Variants in UGT1A9 observed in about 807,000 individuals in gnomAD.
UGT1A9 encodes the protein UDP-glucuronosyltransferase 1A9.
A neutral mutation model predicts 45.0 loss-of-function variants in UGT1A9; 35 were observed. That is an observed-to-expected ratio of 0.78 (90% CI 0.59 to 1.03). The LOEUF (loss-of-function observed/expected upper bound fraction) is 1.03, where lower values mean the gene tolerates loss of function less well. Ranked by LOEUF, UGT1A9 falls within the 50% of genes least tolerant of loss-of-function variation. UGT1A9 has a pLI of 0.00. For missense variants in UGT1A9, 687 were observed against 666.6 expected (o/e 1.03, Z -0.34); for synonymous variants, 278 against 250.6 (o/e 1.11, Z -1.03).
At chr2:233,713,137 G>T (rs369417360) in intron 1 of UGT1A9, 1 of 1,614,192 alleles carries the variant, frequency 6.2e-7, no homozygotes, top group African/African-American at 1.3e-5. Flanking sequence ...GAGGCCTTGC[G>T]GGACCTCCAT....
At chr2:233,729,544 C>T (rs2077877182) in intron 1 of UGT1A9, 24 of 1,614,178 alleles carry the variant, frequency 1.5e-5, no homozygotes, top group Non-Finnish European at 1.9e-5. Context: ...CCTGATCAGG[C>T]ACCTGAATGC....
At chr2:233,677,178 A>T (rs896223714) in intron 1 of UGT1A9, among the ~76,000 whole-genome samples, 2 of 152,202 alleles carry the variant, frequency 1.3e-5, no homozygotes, top group African/African-American at 2.4e-5. Context: ...ATTCATTAAC[A>T]TATCTTTTTA....
Position 233,733,786 on chromosome 2 carries a change from C to A in UGT1A9, c.856-33248C>A, listed in dbSNP as rs149311802. Among the ~76,000 whole-genome samples the A allele has an allele frequency of 6.6e-4, 100 of 152,236 alleles. 1 individual carries two copies. The highest frequency in any genetic ancestry group is 1.9e-3 in the African/African-American group (79 of 41,542). On this transcript the variant is annotated intron_variant, in intron 1 of 4. Transcript: ENST00000354728. ...ATTTTCTTTTTTTGTTGTGTCCCTG[C>A]CAACCTTTGGTATCAGGATGATGCT...
intron 1 of UGT1A9, among the ~76,000 whole-genome samples, chr2:233,694,259 C>G (rs1291026484): frequency 6.6e-6 from 1 of 151,754 alleles, no homozygotes; most frequent in Non-Finnish European, 1.5e-5. Context: ...CAGGGACCAG[C>G]GAACTACAGC....
At chr2:233,728,608 G>C (rs535590480) in intron 1 of UGT1A9, among the ~76,000 whole-genome samples, 2 of 152,172 alleles carry the variant, frequency 1.3e-5, no homozygotes, top group South Asian at 2.1e-4. Context: ...CAGCCTCCAC[G>C]CTGTTCAGAG....
Position 233,704,355 on chromosome 2 carries a change from G to A in UGT1A9, c.855+31566G>A, listed in dbSNP as rs188640980. Reference sequence around the variant, plus strand: ...CTATTTAAAAAGTTGTGTTCTGAGCGGTTGTTCTAGGGCTTAGCACATCGA... The same window carrying A: ...CTATTTAAAAAGTTGTGTTCTGAGCAGTTGTTCTAGGGCTTAGCACATCGA... On this transcript the variant is annotated intron_variant, in intron 1 of 4. Coordinates refer to ENST00000354728, the MANE Select transcript of UGT1A9 (RefSeq NM_021027.3). Among the ~76,000 whole-genome samples, 17 of 150,272 alleles carry A rather than the reference G, an allele frequency of 1.1e-4. 1 individual carries two copies. Among genetic ancestry groups the A allele is most frequent in the Admixed American group, 4.6e-4 (7 of 15,102 alleles).
intron 1 of UGT1A9, among the ~76,000 whole-genome samples, chr2:233,678,722 C>T (rs2125514358): frequency 6.6e-6 from 1 of 152,010 alleles, no homozygotes; most frequent in Non-Finnish European, 1.5e-5. Flanking sequence ...CATCTTCTTT[C>T]TCATCAAGTA....
chr2:233,712,808 G>A (rs1409482775), intron 1 of UGT1A9, among the ~76,000 whole-genome samples: 1 of 152,192 alleles, frequency 6.6e-6, no homozygotes, highest in Non-Finnish European at 1.5e-5. Context: ...CTTTCCCAGG[G>A]TGGGGCCCAT....
At chr2:233,770,165 A>G (rs941175167) in intron 4 of UGT1A9, 2 of 152,226 alleles carry the variant, frequency 1.3e-5, no homozygotes, top group Admixed American at 1.3e-4. Context: ...ACACAAATCA[A>G]TGAGCTCAAC....
At chr2:233,682,724 A>C in intron 1 of UGT1A9, 1 of 1,613,894 alleles carries the variant, frequency 6.2e-7, no homozygotes, top group South Asian at 1.1e-5. Context: ...GGAGTATCCC[A>C]AACCCGTGAT....
chr2:233,672,355 T>C lies in UGT1A9; in HGVS notation c.421T>C (p.Ser141Pro). The change falls in exon 1 of 5, where the codon TCT becomes CCT. Residue 141 changes from serine to proline, a missense_variant. Physicochemically the swap from Ser to Pro is moderately conservative, Grantham distance 74. Transcript: ENST00000354728. ...KKLVEYLKES[S>P]FDAVFLDPFD... ...ATTAGTAGAATACTTAAAGGAGAGT[T>C]CTTTTGATGCAGTGTTTCTCGATCC... 4 of 1,614,186 alleles carry C rather than the reference T, an allele frequency of 2.5e-6. No individual in the cohort carries two copies. The highest frequency in any genetic ancestry group is 3.4e-6 in the Non-Finnish European group (4 of 1,180,024).
chr2:233,725,132 C>T (rs1359096570), intron 1 of UGT1A9, among the ~76,000 whole-genome samples: 15 of 135,486 alleles, frequency 1.1e-4, no homozygotes, highest in African/African-American at 4.2e-4. Flanking sequence ...GCCGAGATGG[C>T]AGCAGTACAG....
Position 233,760,789 on chromosome 2 carries a change from A to G in UGT1A9, c.856-6245A>G, listed in dbSNP as rs756010756. 3.7e-6 allele frequency: 6 copies of G among 1,613,282 alleles called. No homozygotes were observed. In the African/African-American group the frequency reaches 6.7e-5, roughly 18 times the overall value. On this transcript the variant is annotated intron_variant, in intron 1 of 4. Coordinates refer to ENST00000354728, the MANE Select transcript of UGT1A9 (RefSeq NM_021027.3). Reference sequence around the variant, plus strand: ...CGTGGCCCAGTACCTGTCTCTGCCCACTGTATTCTTCTTGCATGCACTGCC... The same window carrying G: ...CGTGGCCCAGTACCTGTCTCTGCCCGCTGTATTCTTCTTGCATGCACTGCC...
At chr2:233,742,811 A>G (rs1335727618) in intron 1 of UGT1A9, 2 of 153,508 alleles carry the variant, frequency 1.3e-5, no homozygotes, top group Non-Finnish European at 2.9e-5. Flanking sequence ...AAGTATTGAT[A>G]TTATTTGTAG....
chr2:233,718,053 C>A, intron 1 of UGT1A9: 1 of 364,042 alleles, frequency 2.7e-6, no homozygotes, highest in Non-Finnish European at 5.4e-6. Flanking sequence ...GCTCCCTGAA[C>A]CCACCGTGGG....
intron 1 of UGT1A9, chr2:233,730,114 C>T: frequency 1.3e-6 from 2 of 1,562,004 alleles, no homozygotes; most frequent in South Asian, 1.2e-5. Flanking sequence ...TCTGCTTCTC[C>T]TTGTCATAAT....
Position 233,712,954 on chromosome 2 carries a change from G to T in UGT1A9, c.855+40165G>T, listed in dbSNP as rs367675101. On this transcript the variant is annotated intron_variant, in intron 1 of 4. Coordinates refer to ENST00000354728, the MANE Select transcript of UGT1A9 (RefSeq NM_021027.3). ...AGGAAACAATTCTAGGAGGCACAAC[G>T]TGGGGTGGACAGTCAGCTGTCGGTG... 79 of 1,612,730 alleles carry T rather than the reference G, an allele frequency of 4.9e-5. No individual in the cohort carries two copies. In the African/African-American group the frequency reaches 8.8e-4, roughly 18 times the overall value.
At chr2:233,766,566 G>A (rs930471985) in intron 1 of UGT1A9, among the ~76,000 whole-genome samples, 1 of 152,162 alleles carries the variant, frequency 6.6e-6, no homozygotes, top group Non-Finnish European at 1.5e-5. Context: ...AGGTCCATGG[G>A]CACAGGTCTG....
chr2:233,693,104 C>G, intron 1 of UGT1A9: 1 of 1,614,166 alleles, frequency 6.2e-7, no homozygotes, highest in African/African-American at 1.3e-5. Flanking sequence ...GGTGGTCCCT[C>G]AGGACGGAAG....
Sources: allele counts gnomAD v4.1 joint callset (sites outside exome capture counted in the v4.1 genomes callset), GRCh38; gene constraint gnomAD v4.1.1; transcripts MANE v1.5; gene names NCBI Gene and HGNC (gene_info 2026-07-23, HGNC 2026-07-21).